Variants in NEDD9 observed in about 807,000 individuals in gnomAD.
NEDD9 encodes enhancer of filamentation 1.
NEDD9 carries 26 observed loss-of-function variants against 76.6 expected under a neutral mutation model. The ratio of observed to expected loss-of-function variants is 0.34; its 90% CI spans 0.25 to 0.47. NEDD9 has a LOEUF of 0.47. NEDD9 is among the 20% of genes least tolerant of loss of function. The pLI is 1.00. For synonymous variants in NEDD9, 392 were observed against 414.2 expected (o/e 0.95, Z 0.65); for missense variants, 937 against 1,058.5 (o/e 0.89, Z 1.59).
chr6:11,291,482 G>T (rs1292097592), intron 3 of NEDD9, among the ~76,000 whole-genome samples: 2 of 152,050 alleles, frequency 1.3e-5, no homozygotes, highest in Non-Finnish European at 2.9e-5. Context: ...CACCGTAGTA[G>T]CCAGGATGGT....
Position 11,232,488 on chromosome 6 carries a change from A to G in NEDD9, c.12+16T>C. On this transcript the variant is annotated intron_variant, in intron 1 of 6. Coordinates refer to ENST00000379446, the MANE Select transcript of NEDD9 (RefSeq NM_006403.4). The stretch of plus-strand genomic sequence containing the variant: ...CTTTCAGCTTGCAAGGTAACCTGTA[A>G]AAGGCACTCTCTTACCTTATACTTC... 1 of 1,614,214 alleles carries G rather than the reference A, an allele frequency of 6.2e-7. No homozygotes were observed. The highest frequency in any genetic ancestry group is 8.5e-7 in the Non-Finnish European group (1 of 1,180,030).
At position 11,241,993 on chromosome 6, in the gene NEDD9, G is replaced by A. The variant is rs1314293251; in HGVS notation, c.13-28266C>T. ...ACGGTTCAAGCCAAGCTTTTGAAGA[G>A]TTTGACTCGTTTTAGAAAGCAAACA... On this transcript the variant is annotated intron_variant, in intron 3 of 3. Transcript: ENST00000397378. The surrounding 1 kb of genome is among the most constrained non-coding windows in gnomAD (Gnocchi z 4.0). Among the ~76,000 whole-genome samples the A allele has an allele frequency of 6.6e-6, 1 of 152,246 alleles. No homozygotes were observed. Among genetic ancestry groups the A allele is most frequent in the East Asian group, 1.9e-4 (1 of 5,194 alleles).
intron 6 of NEDD9, among the ~76,000 whole-genome samples, chr6:11,186,270 A>G (rs1266440785): frequency 6.6e-6 from 1 of 152,166 alleles, no homozygotes; most frequent in African/African-American, 2.4e-5. Flanking sequence ...GCACTTAAGG[A>G]AAAAAAGTTT....
intron 2 of NEDD9, among the ~76,000 whole-genome samples, chr6:11,201,301 C>T (rs1236532583): frequency 6.6e-6 from 1 of 152,194 alleles, no homozygotes; most frequent in African/African-American, 2.4e-5. Flanking sequence ...CAGACGGCTG[C>T]CACTCACAAA....
chr6:11,377,197 G>A (rs1034138800), intron 1 of NEDD9, among the ~76,000 whole-genome samples: 1 of 152,228 alleles, frequency 6.6e-6, no homozygotes, highest in Non-Finnish European at 1.5e-5. Flanking sequence ...TGGGGTTGGA[G>A]CTCCTACACA....
chr6:11,272,001 A>T (rs1445369056), intron 3 of NEDD9, among the ~76,000 whole-genome samples: 1 of 152,194 alleles, frequency 6.6e-6, no homozygotes, highest in Non-Finnish European at 1.5e-5. Context: ...TAGTTCTCCT[A>T]TCAAGATATT....
chr6:11,185,454 G>T lies in NEDD9; in HGVS notation c.2213C>A (p.Pro738His), dbSNP rs1757952321. ...ALFSCVSSAQ[P>H]PRIFVAHSKF... ...GCTGTGTGCCACGAAGATTCGCGGG[G>T]GCTGGGCTGAGCTGACACAACTGAA... Residue 738 changes from proline (P) to histidine (H), a missense_variant, in exon 7 of 7, where the codon CCC becomes CAC. Physicochemically the swap from Pro to His is moderately conservative, Grantham distance 77. Coordinates refer to ENST00000379446, the MANE Select transcript of NEDD9 (RefSeq NM_006403.4). The T allele has an allele frequency of 6.2e-7, 1 of 1,614,230 alleles. No homozygotes were observed. Among genetic ancestry groups the T allele is most frequent in the Non-Finnish European group, 8.5e-7 (1 of 1,180,038 alleles).
At chr6:11,281,619 G>T (rs183669652) in intron 3 of NEDD9, among the ~76,000 whole-genome samples, 2 of 152,330 alleles carry the variant, frequency 1.3e-5, no homozygotes, top group African/African-American at 4.8e-5. Flanking sequence ...TTCCCAAAGT[G>T]CTGGGATTAC....
chr6:11,232,402 G>C (rs1759501603), intron 1 of NEDD9, 102 bp downstream of exon 1: 11 of 1,431,552 alleles, frequency 7.7e-6, no homozygotes, highest in African/African-American at 1.4e-5. Flanking sequence ...GAACTCTCCG[G>C]GACACACAAG....
chr6:11,331,088 C>G (rs1189723545), intron 2 of NEDD9, among the ~76,000 whole-genome samples: 2 of 152,162 alleles, frequency 1.3e-5, no homozygotes, highest in Non-Finnish European at 2.9e-5. Context: ...ACAAATCAAA[C>G]CAAACCCAAA....
In NEDD9 at chr6:11,308,361, C is replaced by CTTTTT. The variant is rs933892327; in HGVS notation, c.-152-2211_-152-2207dup. 1.0e-4 allele frequency among the ~76,000 whole-genome samples: 9 copies of CTTTTT among 87,864 alleles called. 1 individual carries two copies. The highest frequency in any genetic ancestry group is 1.9e-4 in the Non-Finnish European group (9 of 46,926). The allele number at this position is 87,864 out of a possible 152,430, so 57.6% of individuals were successfully genotyped here. ...TTGTCCAAGTAGGAGGATGGGACAT[C>CTTTTT]TTTTTTTTTTTTTTTTTTTTTTTTT... is the stretch of plus-strand genomic sequence containing the variant. On this transcript the variant is annotated intron_variant, in intron 2 of 3. Transcript: ENST00000397378.
chr6:11,306,389 A>G (rs573951444), intron 2 of NEDD9, among the ~76,000 whole-genome samples: 308 of 152,340 alleles, frequency 2.0e-3, no homozygotes, highest in African/African-American at 7.0e-3. Context: ...CAAGGATCCC[A>G]CAGTCTCACT....
At chr6:11,304,914 C>A (rs1761140625) in intron 3 of NEDD9, among the ~76,000 whole-genome samples, 1 of 152,086 alleles carries the variant, frequency 6.6e-6, no homozygotes, top group Admixed American at 6.5e-5. Context: ...ATGTAACAAA[C>A]CTGCACGTTT....
At chr6:11,186,773 A>C (rs533143938) in intron 6 of NEDD9, among the ~76,000 whole-genome samples, 13 of 152,176 alleles carry the variant, frequency 8.5e-5, no homozygotes, top group African/African-American at 1.2e-4. Flanking sequence ...GCCCGCCACC[A>C]TGCCTGGCTA....
intron 3 of NEDD9, among the ~76,000 whole-genome samples, chr6:11,243,369 A>G (rs1759745451): frequency 6.6e-6 from 1 of 152,246 alleles, no homozygotes; most frequent in Non-Finnish European, 1.5e-5. Context: ...AATTGAATTC[A>G]GCTGATAAAA....
At chr6:11,266,595 G>A (rs1760206603) in intron 3 of NEDD9, among the ~76,000 whole-genome samples, 1 of 152,104 alleles carries the variant, frequency 6.6e-6, no homozygotes, top group Non-Finnish European at 1.5e-5. Flanking sequence ...TTTTAGCCAG[G>A]TGTATTTATT....
At chr6:11,189,764 C>G (rs1212674600) in intron 5 of NEDD9, among the ~76,000 whole-genome samples, 200 bp downstream of exon 5, 1 of 152,174 alleles carries the variant, frequency 6.6e-6, no homozygotes, top group Non-Finnish European at 1.5e-5. Flanking sequence ...AGAGAAAGGG[C>G]TAGATCTGAG....
intron 3 of NEDD9, among the ~76,000 whole-genome samples, chr6:11,240,247 G>A (rs910079867): frequency 5.3e-5 from 8 of 152,054 alleles, no homozygotes; most frequent in African/African-American, 1.7e-4. Flanking sequence ...AGATCTTCTA[G>A]GTTACAGCGA....
intron 3 of NEDD9, among the ~76,000 whole-genome samples, chr6:11,278,948 G>T (rs902383363): frequency 6.6e-6 from 1 of 151,932 alleles, no homozygotes; most frequent in East Asian, 1.9e-4. Flanking sequence ...GGGGGAAAAA[G>T]GTTCTGATCT....
Sources: gnomAD v4.1 joint callset for allele counts (sites outside exome capture counted in the v4.1 genomes callset) on GRCh38, gnomAD v4.1.1 for gene constraint, Gnocchi (gnomAD v3.1) non-coding constraint, MANE v1.5 for transcripts, NCBI Gene and HGNC (gene_info 2026-07-23, HGNC 2026-07-21) for gene names.